Variants in GREB1 observed in about 807,000 individuals in gnomAD.
GREB1 encodes the protein protein GREB1.
A neutral mutation model predicts 200.7 loss-of-function variants in GREB1; 106 were observed. That is an observed-to-expected ratio of 0.53 (90% CI 0.45 to 0.62). GREB1 has a LOEUF of 0.62. GREB1 is among the 20% of genes least tolerant of loss of function. GREB1 has a pLI of 0.00. For synonymous variants in GREB1, 1,132 were observed against 1,092.4 expected (o/e 1.04, Z -0.72); for missense variants, 2,243 against 2,556.8 (o/e 0.88, Z 2.65).
At chr2:11,599,888 CA>C (rs998327383) in intron 15 of GREB1, among the ~76,000 whole-genome samples, 2 of 152,144 alleles carry the variant, frequency 1.3e-5, no homozygotes, top group African/African-American at 4.8e-5. Flanking sequence ...AGATGAATTT[CA>C]GATGGGCCAA....
intron 24 of GREB1, among the ~76,000 whole-genome samples, chr2:11,625,884 G>A (rs566179046): frequency 1.3e-5 from 2 of 152,300 alleles, no homozygotes; most frequent in Admixed American, 6.5e-5. Context: ...ACAGTTCCAC[G>A]TGGCTGGGGA....
At chr2:11,602,668 A>T (rs954654088) in intron 17 of GREB1, 126 bp downstream of exon 17, 3 of 749,230 alleles carry the variant, frequency 4.0e-6, no homozygotes, top group South Asian at 1.7e-5. Flanking sequence ...CAGTTTCTCC[A>T]CTAAATGTAC....
upstream of GREB1, among the ~76,000 whole-genome samples, chr2:11,533,741 G>A (rs1188904714): frequency 6.6e-6 from 1 of 152,202 alleles, no homozygotes; most frequent in Non-Finnish European, 1.5e-5. Flanking sequence ...GGGGTGACTG[G>A]TGTGAAATTC....
At chr2:11,491,947 T>C (rs932014590) in intron 1 of GREB1, among the ~76,000 whole-genome samples, 1 of 152,242 alleles carries the variant, frequency 6.6e-6, no homozygotes, top group Non-Finnish European at 1.5e-5. Flanking sequence ...ACTATGTATG[T>C]GAGGCCTGGC....
chr2:11,557,636 G>A (rs1356808580), intron 2 of GREB1, among the ~76,000 whole-genome samples: 6 of 152,160 alleles, frequency 3.9e-5, no homozygotes, highest in Non-Finnish European at 8.8e-5. Context: ...TCTTCAAGGG[G>A]CCCCACACTG....
chr2:11,576,629 A>C, intron 5 of GREB1, 94 bp downstream of exon 5: 11 of 886,590 alleles, frequency 1.2e-5, no homozygotes, highest in Non-Finnish European at 1.6e-5. Flanking sequence ...AGGCCCCTGC[A>C]TAGCAGCACA....
intron 2 of GREB1, among the ~76,000 whole-genome samples, chr2:11,559,696 A>G (rs984163096): frequency 6.6e-6 from 1 of 152,144 alleles, no homozygotes; most frequent in Non-Finnish European, 1.5e-5. Context: ...TGTGTCCGAC[A>G]TGGAGACCTG....
intron 5 of GREB1, among the ~76,000 whole-genome samples, chr2:11,577,125 G>A (rs2148041581): frequency 6.6e-6 from 1 of 152,256 alleles, no homozygotes; most frequent in Middle Eastern, 3.4e-3. Flanking sequence ...TTGGGGCAGT[G>A]GTTCTCATCT....
intron 1 of GREB1, among the ~76,000 whole-genome samples, chr2:11,519,999 A>C (rs1484875131): frequency 6.6e-6 from 1 of 152,046 alleles, no homozygotes; most frequent in East Asian, 1.9e-4. Context: ...TTAGCCAGGC[A>C]TGGTGCCTTG....
chr2:11,601,781 A>G (rs763489807), intron 16 of GREB1, among the ~76,000 whole-genome samples: 3 of 152,360 alleles, frequency 2.0e-5, no homozygotes, highest in South Asian at 4.1e-4. Context: ...GTTCTCATCT[A>G]CAAATGGGGA....
At position 11,585,192 on chromosome 2, in the gene GREB1, A is replaced by G. The variant is rs116549799; in HGVS notation, c.933A>G (p.Lys311=). ...GILSNSGPPK[K]RHKGWSPESP... ...TGTCAAACTCCGGGCCCCCCAAAAA[A>G]CGCCACAAAGGGTGGTCTCCAGAAT... The change falls in exon 8 of 33, where the codon AAA becomes AAG. Residue 311 remains lysine, a synonymous_variant. Transcript: ENST00000381486. 0.012 allele frequency: 19,143 copies of G among 1,580,724 alleles called. 152 individuals are homozygous for G. The highest frequency in any genetic ancestry group is 0.014 in the Non-Finnish European group (16,580 of 1,166,448).
At chr2:11,590,433 C>A (rs1384840257) in intron 10 of GREB1, among the ~76,000 whole-genome samples, 1 of 152,180 alleles carries the variant, frequency 6.6e-6, no homozygotes, top group African/African-American at 2.4e-5. Context: ...CTGTCCCAGC[C>A]CACTGTCCCC....
intron 1 of GREB1, chr2:11,539,749 C>T (rs916830393): frequency 6.6e-6 from 1 of 151,216 alleles, no homozygotes; most frequent in African/African-American, 2.4e-5. Flanking sequence ...TCTGACCCGG[C>T]AGGCGCTGGG....
intron 1 of GREB1, among the ~76,000 whole-genome samples, chr2:11,490,918 CTAAG>C (rs1672762506): frequency 6.6e-6 from 1 of 152,168 alleles, no homozygotes; most frequent in Non-Finnish European, 1.5e-5. Context: ...TATGGGAACT[CTAAG>C]TTAACTTTTG....
intron 20 of GREB1, 90 bp from the exon 21 acceptor site, chr2:11,616,541 A>C (rs1329387670): frequency 6.2e-6 from 5 of 811,992 alleles, no homozygotes; most frequent in African/African-American, 1.7e-5. Flanking sequence ...GAGGTGATGC[A>C]TGGGAACACA....
At chr2:11,600,170 A>T (rs1274372476) in intron 15 of GREB1, among the ~76,000 whole-genome samples, 2 of 152,062 alleles carry the variant, frequency 1.3e-5, no homozygotes, top group Non-Finnish European at 2.9e-5. Flanking sequence ...TTATAGAAAG[A>T]GCTGTATTGT....
chr2:11,524,325 T>C (rs1673801432), intron 1 of GREB1, among the ~76,000 whole-genome samples: 1 of 152,106 alleles, frequency 6.6e-6, no homozygotes, highest in Non-Finnish European at 1.5e-5. Flanking sequence ...CAGGTTGCAA[T>C]GCAGTTGCTA....
intron 1 of GREB1, chr2:11,539,795 A>ATTTTTTTTTTTT (rs66629142): frequency 8.2e-6 from 1 of 121,264 alleles, no homozygotes; most frequent in Non-Finnish European, 1.7e-5. Context: ...CTACTGCTGA[A>ATTTTTTTTTTTT]TTTTTTTTTT....
intron 26 of GREB1, 73 bp from the exon 27 acceptor site, chr2:11,631,836 A>G: frequency 8.7e-7 from 1 of 1,145,312 alleles, no homozygotes; most frequent in Non-Finnish European, 1.3e-6. Context: ...AAAATACTGC[A>G]AAGTCACATG....
Sources: gnomAD v4.1 joint callset for allele counts (sites outside exome capture counted in the v4.1 genomes callset) on GRCh38, gnomAD v4.1.1 for gene constraint, MANE v1.5 for transcripts, NCBI Gene and HGNC (gene_info 2026-07-23, HGNC 2026-07-21) for gene names.